GLIS3: variants seen among roughly 807,000 people sequenced by gnomAD.
GLIS3 encodes the protein zinc finger protein GLIS3.
GLIS3 carries 53 observed loss-of-function variants against 78.6 expected under a neutral mutation model. That is an observed-to-expected ratio of 0.67 (90% CI 0.54 to 0.85). The LOEUF (loss-of-function observed/expected upper bound fraction) is 0.85. Among genes scored for constraint, GLIS3 ranks in the 40% least tolerant of loss-of-function variants. The probability of loss-of-function intolerance (pLI) is 0.00; values close to 1 mark genes in which losing one functional copy is unlikely to be tolerated. For synonymous variants in GLIS3, 684 were observed against 509.9 expected, an observed-to-expected ratio of 1.34 and a Z score of -4.60; for missense variants, 1,703 against 1,231.1, an observed-to-expected ratio of 1.38 and a Z score of -5.74.
At chr9:4,468,890 T>C in the GLIS3 span, among the ~76,000 whole-genome samples, 19 of 152,172 alleles carry the variant, frequency 1.2e-4, no homozygotes, top group East Asian at 2.3e-3. Context: ...TTCAGGAGAC[T>C]CATCTCACCT....
At chr9:4,331,114 T>A (rs1267303068) in intron 2 of GLIS3, among the ~76,000 whole-genome samples, 2 of 112,668 alleles carry the variant, frequency 1.8e-5, no homozygotes, top group Non-Finnish European at 2.2e-5. Context: ...AAATGTATTC[T>A]GTTACAGTTC....
intron 4 of GLIS3, among the ~76,000 whole-genome samples, chr9:4,050,057 A>G (rs2130462467): frequency 6.6e-6 from 1 of 152,298 alleles, no homozygotes; most frequent in South Asian, 2.1e-4. Flanking sequence ...TCAGGGATCT[A>G]GAACTAGAAA....
chr9:4,328,392 CAG>C (rs1457692186), intron 2 of GLIS3, among the ~76,000 whole-genome samples: 1 of 152,142 alleles, frequency 6.6e-6, no homozygotes, highest in Non-Finnish European at 1.5e-5. Context: ...GTTCATGGCT[CAG>C]AGAGTCAGGA....
intron 6 of GLIS3, among the ~76,000 whole-genome samples, chr9:3,907,494 G>T (rs1178896808): frequency 6.6e-6 from 1 of 151,958 alleles, no homozygotes; most frequent in Non-Finnish European, 1.5e-5. Context: ...CCCACCCAGC[G>T]CCCCTCTGAT....
intron 2 of GLIS3, among the ~76,000 whole-genome samples, chr9:4,201,551 G>T (rs1017384306): frequency 1.3e-5 from 2 of 152,076 alleles, no homozygotes; most frequent in African/African-American, 4.8e-5. Context: ...CATTCAAGCT[G>T]AGAGCCTAAT....
chr9:4,363,282 G>A, the GLIS3 span, among the ~76,000 whole-genome samples: 16 of 152,266 alleles, frequency 1.1e-4, 1 homozygote, highest in African/African-American at 3.6e-4. Context: ...AATTAGCCAG[G>A]TGTGGTGGCA....
the GLIS3 span, among the ~76,000 whole-genome samples, chr9:4,407,676 C>A: frequency 6.6e-6 from 1 of 152,034 alleles, no homozygotes; most frequent in Non-Finnish European, 1.5e-5. Flanking sequence ...AAAAAGAAAA[C>A]ATTGGAAAAA....
intron 8 of GLIS3, among the ~76,000 whole-genome samples, chr9:3,871,486 G>C (rs2130389725): frequency 6.6e-6 from 1 of 152,260 alleles, no homozygotes; most frequent in African/African-American, 2.4e-5. Context: ...GGGTATCCAG[G>C]CATTTCCACA....
intron 8 of GLIS3, 28 bp from the exon 9 acceptor site, chr9:3,856,212 T>C (rs771634379): frequency 9.4e-6 from 15 of 1,599,614 alleles, no homozygotes; most frequent in Non-Finnish European, 1.3e-5. Flanking sequence ...AAAGGAAACA[T>C]GAGGGACATA....
At chr9:4,040,941 A>C (rs1374827899) in intron 4 of GLIS3, among the ~76,000 whole-genome samples, 3 of 152,050 alleles carry the variant, frequency 2.0e-5, no homozygotes, top group Non-Finnish European at 4.4e-5. Flanking sequence ...ATCAGGACCC[A>C]CTCCAGACCC....
At chr9:4,357,641 G>A in the GLIS3 span, among the ~76,000 whole-genome samples, 1 of 151,834 alleles carries the variant, frequency 6.6e-6, no homozygotes, top group Non-Finnish European at 1.5e-5. Context: ...CTCCTCAAAT[G>A]ACTCATTGAC....
chr9:4,344,040 A>C, intron 2 of GLIS3, among the ~76,000 whole-genome samples: 1 of 152,120 alleles, frequency 6.6e-6, no homozygotes, highest in Non-Finnish European at 1.5e-5. Flanking sequence ...CATATAACAA[A>C]CCTGCACATG....
At chr9:4,329,570 G>C (rs543224655) in intron 2 of GLIS3, among the ~76,000 whole-genome samples, 15 of 152,108 alleles carry the variant, frequency 9.9e-5, no homozygotes, top group Non-Finnish European at 1.9e-4. Context: ...TAATAAGAAT[G>C]TGCTACACAC....
chr9:3,988,137 G>A (rs1398822727), intron 4 of GLIS3, among the ~76,000 whole-genome samples: 1 of 152,026 alleles, frequency 6.6e-6, no homozygotes, highest in Non-Finnish European at 1.5e-5. Context: ...TTCAAGTGGT[G>A]AAAGGAGAGA....
rs1009079576 is a variant in GLIS3 at position 4,030,417 on chromosome 9, C to T, written c.1710+87351G>A. On this transcript the variant is annotated intron_variant, in intron 4 of 10. Transcript: ENST00000381971. ...TGAGTTGTCTCTTCACTTTGTCGGT[C>T]GCTATACAGAAGCTTTTTAACTTGA... Among the ~76,000 whole-genome samples, 12 of 152,150 alleles carry T rather than the reference C, an allele frequency of 7.9e-5. 1 individual carries two copies. The South Asian group carries it at 1.9e-3, about 24-fold the overall frequency.
chr9:3,951,841 A>AACACACACACACACACACACACAC (rs3061609), intron 4 of GLIS3, among the ~76,000 whole-genome samples: 2 of 130,616 alleles, frequency 1.5e-5, no homozygotes, highest in African/African-American at 5.8e-5. Flanking sequence ...AATAAGCATG[A>AACACACACACACACACACACACAC]ACACACACAC....
chr9:4,116,640 A>G (rs1174293716), intron 4 of GLIS3, among the ~76,000 whole-genome samples: 1 of 152,244 alleles, frequency 6.6e-6, no homozygotes, highest in Non-Finnish European at 1.5e-5. Context: ...ATAATCAAGC[A>G]TACACATAGT....
the GLIS3 span, among the ~76,000 whole-genome samples, chr9:4,408,240 T>C: frequency 7.2e-5 from 11 of 152,148 alleles, no homozygotes; most frequent in Middle Eastern, 3.4e-3. Context: ...AGCTACCATA[T>C]GACCCAGCAA....
At chr9:4,213,711 C>T (rs181637000) in intron 2 of GLIS3, among the ~76,000 whole-genome samples, 111 of 152,226 alleles carry the variant, frequency 7.3e-4, no homozygotes, top group African/African-American at 2.4e-3. Flanking sequence ...GCACTAGGCA[C>T]GTAATAGAAA....
Sources: gnomAD v4.1 joint callset for allele counts (sites outside exome capture counted in the v4.1 genomes callset) on GRCh38, gnomAD v4.1.1 for gene constraint, MANE v1.5 for transcripts, NCBI Gene and HGNC (gene_info 2026-07-23, HGNC 2026-07-21) for gene names.